CCDC171: variants seen among roughly 807,000 people sequenced by gnomAD.
CCDC171 encodes coiled-coil domain-containing protein 171.
CCDC171 carries 177 observed loss-of-function variants against 168.2 expected under a neutral mutation model. The observed-to-expected ratio is 1.05, with a 90% CI of 0.93 to 1.19. CCDC171 has a LOEUF of 1.19. Ranked by LOEUF, CCDC171 falls within the 50% of genes most tolerant of loss-of-function variation. CCDC171 has a pLI of 0.00. For synonymous variants in CCDC171, 687 were observed against 540.8 expected (o/e 1.27, Z -3.75); for missense variants, 1,991 against 1,539.0 (o/e 1.29, Z -4.91).
chr9:15,811,736 A>G (rs1361948021), intron 21 of CCDC171, among the ~76,000 whole-genome samples: 1 of 152,178 alleles, frequency 6.6e-6, no homozygotes, highest in Non-Finnish European at 1.5e-5. Context: ...TTAGTGGAAG[A>G]TGTGGAAGAA....
chr9:15,683,820 G>A (rs926516203), intron 10 of CCDC171, among the ~76,000 whole-genome samples: 3 of 152,082 alleles, frequency 2.0e-5, no homozygotes, highest in Non-Finnish European at 4.4e-5. Context: ...AAGAGATTGC[G>A]AGAGAGATGT....
chr9:15,627,249 G>C (rs955158232), intron 7 of CCDC171, among the ~76,000 whole-genome samples: 3 of 151,350 alleles, frequency 2.0e-5, no homozygotes, highest in African/African-American at 7.3e-5. Context: ...CAATTTTGTT[G>C]ATCTTTTCAA....
intron 24 of CCDC171, among the ~76,000 whole-genome samples, chr9:15,900,167 C>G (rs1701107550): frequency 6.6e-6 from 1 of 152,152 alleles, no homozygotes. Context: ...GGATACCACT[C>G]CTGTGATTAG....
intron 5 of CCDC171, among the ~76,000 whole-genome samples, chr9:15,592,712 A>C (rs2042084376): frequency 6.6e-6 from 1 of 152,018 alleles, no homozygotes; most frequent in African/African-American, 2.4e-5. Context: ...TTCCCCACAT[A>C]AAATGTTTTG....
chr9:15,785,112 A>G (rs1187706762), intron 21 of CCDC171, among the ~76,000 whole-genome samples: 2 of 152,064 alleles, frequency 1.3e-5, no homozygotes, highest in South Asian at 4.1e-4. Context: ...ATATAAGTAC[A>G]TATTTGGGGA....
chr9:15,642,281 G>A lies in CCDC171; in HGVS notation c.823-14846G>A, dbSNP rs2046674358. Among the ~76,000 whole-genome samples the A allele has an allele frequency of 2.8e-5, 4 of 143,336 alleles. 1 individual carries two copies. 94.0% of individuals were successfully genotyped at this position (143,336 alleles called of 152,430 possible). A position where few individuals can be genotyped will look rare whatever the true frequency, so the allele number is the denominator to read the frequency against. Reference sequence around the variant, plus strand: ...CTGTAGTATATATATGAACATATATGTGTGTGTGTATATATATACACATAT... The same window carrying A: ...CTGTAGTATATATATGAACATATATATGTGTGTGTATATATATACACATAT... On this transcript the variant is annotated intron_variant, in intron 7 of 25. Coordinates refer to ENST00000380701, the MANE Select transcript of CCDC171 (RefSeq NM_173550.4).
At chr9:15,781,569 G>A (rs770271690) in intron 20 of CCDC171, among the ~76,000 whole-genome samples, 1 of 151,898 alleles carries the variant, frequency 6.6e-6, no homozygotes, top group Admixed American at 6.6e-5. Flanking sequence ...CCACCACCAC[G>A]CTCAGCTAAT....
intron 24 of CCDC171, among the ~76,000 whole-genome samples, chr9:15,909,505 C>G (rs1823293694): frequency 6.6e-6 from 1 of 152,094 alleles, no homozygotes. Context: ...CAACTTTTTA[C>G]TGGAATGGAA....
chr9:16,014,249 C>G (rs1832953029), intron 3 of CCDC171, among the ~76,000 whole-genome samples: 2 of 152,238 alleles, frequency 1.3e-5, no homozygotes, highest in African/African-American at 4.8e-5. Flanking sequence ...CTTCGCTCAT[C>G]CATAAGAAGC....
At chr9:15,854,393 T>A (rs1421444044) in intron 23 of CCDC171, among the ~76,000 whole-genome samples, 2 of 151,590 alleles carry the variant, frequency 1.3e-5, no homozygotes, top group African/African-American at 4.8e-5. Context: ...CATTGCTCAT[T>A]TTCTTATAAT....
In CCDC171 at chr9:16,035,976, C is replaced by T. The variant is rs1833459690; in HGVS notation, n.1068-117C>T. 2 of 152,186 alleles carry T rather than the reference C, an allele frequency of 1.3e-5. 1 individual carries two copies. Among genetic ancestry groups the T allele is most frequent in the South Asian group, 4.1e-4 (2 of 4,826 alleles). 9.4% of individuals were successfully genotyped at this position (152,186 alleles called of 1,614,324 possible). A position where few individuals can be genotyped will look rare whatever the true frequency, so the allele number is the denominator to read the frequency against. On this transcript the variant is annotated intron_variant and non_coding_transcript_variant, in intron 7 of 9. Coordinates refer to the CCDC171 transcript ENST00000486641. ...ACCTTTAATAATTTTGTGCCCACAG[C>T]TGGGGGTACACAATCATTGATGGCA...
intron 25 of CCDC171, among the ~76,000 whole-genome samples, chr9:15,953,528 C>G (rs1315879171): frequency 6.6e-6 from 1 of 152,076 alleles, no homozygotes; most frequent in Non-Finnish European, 1.5e-5. Flanking sequence ...GGGGTAAACC[C>G]ACTTAGTTAT....
At chr9:15,735,636 A>G (rs982858636) in intron 16 of CCDC171, among the ~76,000 whole-genome samples, 1 of 152,230 alleles carries the variant, frequency 6.6e-6, no homozygotes, top group African/African-American at 2.4e-5. Flanking sequence ...CAAGGAATCC[A>G]GGTGAGTCAT....
At chr9:15,857,595 A>G (rs542694813) in intron 23 of CCDC171, among the ~76,000 whole-genome samples, 18 of 151,726 alleles carry the variant, frequency 1.2e-4, no homozygotes, top group Non-Finnish European at 2.2e-4. Flanking sequence ...GCTAATTTTT[A>G]TATTTTTAAT....
At chr9:15,811,073 C>T (rs764886573) in intron 21 of CCDC171, among the ~76,000 whole-genome samples, 2 of 152,196 alleles carry the variant, frequency 1.3e-5, no homozygotes, top group Non-Finnish European at 2.9e-5. Flanking sequence ...CAGTGCTGGT[C>T]GAGAGGACAG....
At chr9:16,104,808 G>T in the CCDC171 span, among the ~76,000 whole-genome samples, 2 of 151,874 alleles carry the variant, frequency 1.3e-5, no homozygotes, top group Non-Finnish European at 2.9e-5. Context: ...GCACTTGAGA[G>T]AGAATGATGA....
At chr9:16,066,775 T>A in the CCDC171 span, among the ~76,000 whole-genome samples, 2 of 150,946 alleles carry the variant, frequency 1.3e-5, no homozygotes, top group Non-Finnish European at 2.9e-5. Flanking sequence ...TCCATGTCCC[T>A]GCAAAGGACA....
intron 18 of CCDC171, among the ~76,000 whole-genome samples, chr9:15,762,865 T>C (rs1490738576): frequency 6.6e-6 from 1 of 152,180 alleles, no homozygotes; most frequent in Non-Finnish European, 1.5e-5. Context: ...TTCAAGAATT[T>C]CATAAATTTT....
intron 25 of CCDC171, among the ~76,000 whole-genome samples, chr9:15,927,917 T>C (rs1235992126): frequency 5.3e-5 from 8 of 151,898 alleles, no homozygotes; most frequent in African/African-American, 1.9e-4. Flanking sequence ...TTATCTTAGT[T>C]GATTATTGAT....
Sources: gnomAD v4.1 joint callset for allele counts (sites outside exome capture counted in the v4.1 genomes callset) on GRCh38, gnomAD v4.1.1 for gene constraint, MANE v1.5 for transcripts, NCBI Gene and HGNC (gene_info 2026-07-23, HGNC 2026-07-21) for gene names.